LYPLAL1: variants seen among roughly 807,000 people sequenced by gnomAD.
LYPLAL1 encodes lysophospholipase-like protein 1.
Under a neutral mutation model 19.7 loss-of-function variants are expected in LYPLAL1, and 23 were observed. That is an observed-to-expected ratio of 1.17 (90% confidence interval 0.84 to 1.65). The LOEUF (loss-of-function observed/expected upper bound fraction) is 1.65, where lower values mean the gene tolerates loss of function less well. LYPLAL1 is among the 40% of genes most tolerant of loss of function. LYPLAL1 has a pLI of 0.00. For missense variants in LYPLAL1, 355 were observed against 279.4 expected, an observed-to-expected ratio of 1.27 and a Z score of -1.93; for synonymous variants, 119 against 96.3, an observed-to-expected ratio of 1.24 and a Z score of -1.38.
chr1:219,241,134 C>CTCTATATATATATATA, the LYPLAL1 span, among the ~76,000 whole-genome samples: 45 of 44,364 alleles, frequency 1.0e-3, no homozygotes, highest in East Asian at 1.6e-3. Flanking sequence ...CTCTCTCTCT[C>CTCTATATATATATATA]TATATATATA....
At chr1:219,189,945 G>A (rs1657011672) in intron 2 of LYPLAL1, among the ~76,000 whole-genome samples, 2 of 151,616 alleles carry the variant, frequency 1.3e-5, no homozygotes, top group African/African-American at 4.8e-5. Flanking sequence ...AGTAATGATA[G>A]GAGAGGGGAA....
intron 2 of LYPLAL1, among the ~76,000 whole-genome samples, chr1:219,184,163 A>G (rs73096778): frequency 6.6e-6 from 1 of 151,882 alleles, no homozygotes; most frequent in African/African-American, 2.4e-5. Context: ...GCCTTCTAAT[A>G]CATACACATG....
At chr1:219,320,765 C>T in the LYPLAL1 span, among the ~76,000 whole-genome samples, 1 of 152,104 alleles carries the variant, frequency 6.6e-6, no homozygotes, top group Non-Finnish European at 1.5e-5. Context: ...ACAAAGGAAA[C>T]AAACTCATCC....
chr1:219,295,866 C>T, the LYPLAL1 span, among the ~76,000 whole-genome samples: 4 of 152,168 alleles, frequency 2.6e-5, no homozygotes, highest in Non-Finnish European at 5.9e-5. Flanking sequence ...TTCTCAGCAC[C>T]TTCCGCTAAA....
At chr1:219,193,058 TGGG>T in intron 2 of LYPLAL1, 21 bp from the exon 3 acceptor site, 1 of 1,192,452 alleles carries the variant, frequency 8.4e-7, no homozygotes, top group Non-Finnish European at 1.1e-6. Context: ...TCTTTTTTTT[TGGG>T]GGGGGGCGGT....
chr1:219,396,631 G>T, the LYPLAL1 span, among the ~76,000 whole-genome samples: 1 of 152,080 alleles, frequency 6.6e-6, no homozygotes, highest in Non-Finnish European at 1.5e-5. Context: ...TCCTTGTAGA[G>T]ATCTTTCATC....
chr1:219,385,055 G>T, the LYPLAL1 span, among the ~76,000 whole-genome samples: 2 of 152,104 alleles, frequency 1.3e-5, no homozygotes, highest in Admixed American at 1.3e-4. Context: ...TTCTGCAGGT[G>T]GTGGTGGGGG....
At chr1:219,188,553 G>C (rs1656906034) in intron 2 of LYPLAL1, among the ~76,000 whole-genome samples, 1 of 151,664 alleles carries the variant, frequency 6.6e-6, no homozygotes, top group Admixed American at 6.6e-5. Context: ...GAGAGAAGTG[G>C]TATGAAATGA....
At chr1:219,177,756 G>GTA (rs1355122441) in intron 1 of LYPLAL1, among the ~76,000 whole-genome samples, 1 of 152,156 alleles carries the variant, frequency 6.6e-6, no homozygotes, top group Non-Finnish European at 1.5e-5. Flanking sequence ...ACTGATCTCT[G>GTA]TACATCTACT....
At chr1:219,181,986 G>A (rs1433135017) in intron 2 of LYPLAL1, among the ~76,000 whole-genome samples, 1 of 151,856 alleles carries the variant, frequency 6.6e-6, no homozygotes, top group Non-Finnish European at 1.5e-5. Flanking sequence ...AGTAATTGTG[G>A]GTATTTATAT....
At chr1:219,259,784 T>C in the LYPLAL1 span, among the ~76,000 whole-genome samples, 1 of 150,646 alleles carries the variant, frequency 6.6e-6, no homozygotes, top group African/African-American at 2.4e-5. Context: ...ACTATTGAAA[T>C]AAAAAAATAT....
the LYPLAL1 span, among the ~76,000 whole-genome samples, chr1:219,322,600 A>AT: frequency 6.6e-6 from 1 of 152,196 alleles, no homozygotes; most frequent in South Asian, 2.1e-4. Flanking sequence ...AAAAGGAGAA[A>AT]TTGTTTACTT....
At chr1:219,411,431 T>C in the LYPLAL1 span, among the ~76,000 whole-genome samples, 2 of 152,090 alleles carry the variant, frequency 1.3e-5, no homozygotes, top group Non-Finnish European at 2.9e-5. Flanking sequence ...GTGTGGAAAC[T>C]CTGTATCTAA....
At chr1:219,264,625 T>A in the LYPLAL1 span, among the ~76,000 whole-genome samples, 21 of 152,064 alleles carry the variant, frequency 1.4e-4, no homozygotes, top group South Asian at 4.4e-3. Flanking sequence ...CAGTCTGGAG[T>A]CATGTGTGTG....
the LYPLAL1 span, among the ~76,000 whole-genome samples, chr1:219,440,002 T>TATATAC: frequency 6.8e-5 from 7 of 102,562 alleles, no homozygotes; most frequent in Middle Eastern, 9.0e-3. Flanking sequence ...CACACATATA[T>TATATAC]ATATATATAT....
the LYPLAL1 span, among the ~76,000 whole-genome samples, chr1:219,401,342 T>C: frequency 1.1e-4 from 16 of 151,096 alleles, no homozygotes; most frequent in Non-Finnish European, 1.6e-4. Flanking sequence ...TAATGCCTTT[T>C]CTTTTTTTAA....
the LYPLAL1 span, among the ~76,000 whole-genome samples, chr1:219,289,595 G>A: frequency 0.94 from 143,771 of 152,188 alleles, 68,145 homozygotes; most frequent in East Asian, 1. Context: ...CATGCAGAAA[G>A]AAGTATGGTT....
chr1:219,282,940 A>G, the LYPLAL1 span, among the ~76,000 whole-genome samples: 53,362 of 151,880 alleles, frequency 0.35, 9,825 homozygotes, highest in Non-Finnish European at 0.41. Context: ...AATGAAAGTT[A>G]TCATTCTAGG....
intron 4 of LYPLAL1, among the ~76,000 whole-genome samples, chr1:219,210,879 G>A (rs1658976522): frequency 6.6e-6 from 1 of 152,086 alleles, no homozygotes; most frequent in African/African-American, 2.4e-5. Context: ...AAATGTCAAG[G>A]AGGAAAGGAT....
Sources: gnomAD v4.1 joint callset for allele counts (sites outside exome capture counted in the v4.1 genomes callset) on GRCh38, gnomAD v4.1.1 for gene constraint, MANE v1.5 for transcripts, NCBI Gene and HGNC (gene_info 2026-07-23, HGNC 2026-07-21) for gene names.